Variants in SLC16A12 observed in about 807,000 individuals in gnomAD.
SLC16A12 encodes solute carrier family 16 member 12.
A neutral mutation model predicts 42.4 loss-of-function variants in SLC16A12; 17 were observed. The ratio of observed to expected loss-of-function variants is 0.40; its 90% CI spans 0.27 to 0.60. SLC16A12 has a LOEUF of 0.60. Ranked by LOEUF, SLC16A12 falls within the 20% of genes least tolerant of loss-of-function variation. The pLI is 0.42. For missense variants in SLC16A12, 544 were observed against 623.0 expected (o/e 0.87, Z 1.35); for synonymous variants, 224 against 229.4 (o/e 0.98, Z 0.21).
chr10:89,450,794 A>G (rs1415926547), intron 3 of SLC16A12, among the ~76,000 whole-genome samples: 1 of 152,182 alleles, frequency 6.6e-6, no homozygotes, highest in Non-Finnish European at 1.5e-5. Context: ...ATACACTAAA[A>G]TGTACCTAAT....
intron 2 of SLC16A12, among the ~76,000 whole-genome samples, chr10:89,467,589 A>C (rs1842424012): frequency 6.6e-6 from 1 of 152,220 alleles, no homozygotes; most frequent in Non-Finnish European, 1.5e-5. Flanking sequence ...GCAATATTAA[A>C]GCCAAAAAAA....
At chr10:89,507,961 A>G (rs1487033979) in intron 2 of SLC16A12, among the ~76,000 whole-genome samples, 2 of 152,240 alleles carry the variant, frequency 1.3e-5, no homozygotes, top group East Asian at 3.8e-4. Context: ...TTAAACCAAT[A>G]AAGATCAAAA....
At chr10:89,546,603 A>G (rs1382512409) in intron 2 of SLC16A12, among the ~76,000 whole-genome samples, 1 of 152,242 alleles carries the variant, frequency 6.6e-6, no homozygotes, top group African/African-American at 2.4e-5. Flanking sequence ...AATTAGTTCA[A>G]CCACTGTGGA....
intron 2 of SLC16A12, among the ~76,000 whole-genome samples, chr10:89,480,375 T>A (rs1018148411): frequency 5.9e-5 from 9 of 152,336 alleles, no homozygotes; most frequent in Admixed American, 5.9e-4. Context: ...TATTTCCTTT[T>A]AAAGGGGGCT....
chr10:89,491,794 G>A (rs945377367), intron 2 of SLC16A12, among the ~76,000 whole-genome samples: 1 of 152,174 alleles, frequency 6.6e-6, no homozygotes, highest in Non-Finnish European at 1.5e-5. Flanking sequence ...ACCTGTCCAC[G>A]TGTTCATCCA....
chr10:89,464,987 A>T (rs1842368374), intron 2 of SLC16A12, among the ~76,000 whole-genome samples: 1 of 152,194 alleles, frequency 6.6e-6, no homozygotes, highest in Non-Finnish European at 1.5e-5. Flanking sequence ...TAAAGAAAAA[A>T]ATAAAAGTTA....
chr10:89,452,448 T>G (rs1842109125), intron 3 of SLC16A12, among the ~76,000 whole-genome samples: 1 of 152,210 alleles, frequency 6.6e-6, no homozygotes, highest in Non-Finnish European at 1.5e-5. Flanking sequence ...TTTCACACTC[T>G]CATTTTCTTT....
chr10:89,494,984 G>T, intron 2 of SLC16A12, among the ~76,000 whole-genome samples: 1 of 152,080 alleles, frequency 6.6e-6, no homozygotes, highest in Admixed American at 6.6e-5. Flanking sequence ...AAAAACAAGA[G>T]GATTAAATGA....
At position 89,436,866 on chromosome 10, in the gene SLC16A12, GA is replaced by G. The variant is rs201137521; in HGVS notation, c.1029-548del. 3.3e-4 allele frequency among the ~76,000 whole-genome samples: 25 copies of G among 76,264 alleles called. No homozygotes were observed. In the South Asian group the frequency reaches 3.9e-3, roughly 12 times the overall value. 50.0% of individuals were successfully genotyped at this position (76,264 alleles called of 152,430 possible). A position where few individuals can be genotyped will look rare whatever the true frequency, so the allele number is the denominator to read the frequency against. On this transcript the variant is annotated intron_variant, in intron 6 of 7. Transcript: ENST00000371790. The stretch of plus-strand genomic sequence containing the variant: ...GAAAGAAAGAAAAGAAAGAAATAAA[GA>G]AAAAGAAAGAAAGAAAGAAAGAAAG...
At chr10:89,460,815 C>T (rs754758720) in intron 3 of SLC16A12, among the ~76,000 whole-genome samples, 1 of 150,952 alleles carries the variant, frequency 6.6e-6, no homozygotes, top group Non-Finnish European at 1.5e-5. Context: ...GGAATCACCA[C>T]ACTGTCTTCC....
chr10:89,480,966 ATC>A (rs1174165708), intron 2 of SLC16A12, among the ~76,000 whole-genome samples: 9 of 152,196 alleles, frequency 5.9e-5, no homozygotes, highest in Non-Finnish European at 1.3e-4. Context: ...TATACTAAAT[ATC>A]TGTGTCTACG....
chr10:89,438,529 G>A (rs999321057), intron 6 of SLC16A12, 75 bp downstream of exon 6: 11 of 1,324,200 alleles, frequency 8.3e-6, no homozygotes, highest in Non-Finnish European at 1.2e-5. Context: ...GTACTCCACA[G>A]GGTAAGGGGC....
intron 2 of SLC16A12, among the ~76,000 whole-genome samples, chr10:89,493,308 C>T (rs940658650): frequency 1.3e-5 from 2 of 151,842 alleles, no homozygotes; most frequent in South Asian, 2.1e-4. Flanking sequence ...CTGCAACCTC[C>T]GCCTCCTGGG....
At chr10:89,540,989 T>C (rs1321078019) in intron 2 of SLC16A12, among the ~76,000 whole-genome samples, 2 of 150,848 alleles carry the variant, frequency 1.3e-5, no homozygotes, top group Non-Finnish European at 2.9e-5. Context: ...TTGTACAATC[T>C]CGGCTCAATT....
Position 89,430,355 on chromosome 10 carries a change from A to G in SLC16A12, c.*2709T>C, listed in dbSNP as rs1841677196. ...TTGAAATAAGAAAATATTAGCATAA[A>G]TATTTCATCTATTAATGAAATTACA... On this transcript the variant is annotated 3_prime_UTR_variant, in exon 8 of 8. Transcript: ENST00000371790. The G allele has an allele frequency of 8.6e-6, 2 of 231,468 alleles. No homozygotes were observed. The highest frequency in any genetic ancestry group is 1.7e-5 in the Non-Finnish European group (2 of 117,546). The allele number at this position is 231,468 out of a possible 1,614,324, so 14.3% of individuals were successfully genotyped here.
At chr10:89,515,129 CAAAAA>C (rs58069790) in intron 2 of SLC16A12, among the ~76,000 whole-genome samples, 701 of 65,082 alleles carry the variant, frequency 0.011, 2 homozygotes, top group South Asian at 0.025. Context: ...CAAAACAAAA[CAAAAA>C]AAAAAGAAAA....
At chr10:89,521,106 C>T (rs147355679) in intron 2 of SLC16A12, among the ~76,000 whole-genome samples, 1 of 152,330 alleles carries the variant, frequency 6.6e-6, no homozygotes, top group East Asian at 1.9e-4. Context: ...TGTCCAAGTG[C>T]ATGCTGCTAT....
chr10:89,534,385 G>A (rs1843612265), intron 2 of SLC16A12, 116 bp downstream of exon 2: 1 of 152,142 alleles, frequency 6.6e-6, no homozygotes. Context: ...TTTCCCCCTG[G>A]GCTAAGCTGG....
At chr10:89,485,580 T>G (rs566162587) in intron 2 of SLC16A12, among the ~76,000 whole-genome samples, 1 of 152,192 alleles carries the variant, frequency 6.6e-6, no homozygotes, top group South Asian at 2.1e-4. Context: ...ATATCTGAGA[T>G]AGGCTTGGGG....
Sources: gnomAD v4.1 joint callset for allele counts (sites outside exome capture counted in the v4.1 genomes callset) on GRCh38, gnomAD v4.1.1 for gene constraint, MANE v1.5 for transcripts, NCBI Gene and HGNC (gene_info 2026-07-23, HGNC 2026-07-21) for gene names.